The following NF1 variants were observed in gnomAD, a reference collection of about 807,000 sequenced individuals.
NF1 encodes neurofibromin.
Under a neutral mutation model 325.7 loss-of-function variants are expected in NF1, and 122 were observed. That is an observed-to-expected ratio of 0.37 (90% CI 0.32 to 0.44). NF1 has a LOEUF of 0.44. Among genes scored for constraint, NF1 ranks in the 20% least tolerant of loss-of-function variants. The pLI, the probability that NF1 is intolerant of heterozygous loss-of-function variation, is 1.00. For missense variants in NF1, 2,140 were observed against 3,415.4 expected, an observed-to-expected ratio of 0.63 and a Z score of 9.31; for synonymous variants, 1,091 against 1,186.0, an observed-to-expected ratio of 0.92 and a Z score of 1.65.
At chr17:31,285,318 T>C (rs2068205568) in intron 36 of NF1, among the ~76,000 whole-genome samples, 2 of 148,992 alleles carry the variant, frequency 1.3e-5, no homozygotes, top group African/African-American at 5.0e-5. Flanking sequence ...GAAACAACCA[T>C]GTAAGAATAA....
At chr17:31,150,012 G>T (rs1356522069) in intron 1 of NF1, among the ~76,000 whole-genome samples, 2 of 152,178 alleles carry the variant, frequency 1.3e-5, no homozygotes, top group Non-Finnish European at 2.9e-5. Flanking sequence ...GTCTCTCATT[G>T]TATGTTACTG....
intron 47 of NF1, among the ~76,000 whole-genome samples, chr17:31,341,070 G>A (rs373285639): frequency 2.0e-5 from 3 of 151,960 alleles, no homozygotes; most frequent in Non-Finnish European, 2.9e-5. Flanking sequence ...CATTTCACAC[G>A]TGAAGAAATA....
chr17:31,230,768 C>A, intron 23 of NF1, 74 bp from the exon 24 acceptor site: 2 of 1,151,084 alleles, frequency 1.7e-6, no homozygotes, highest in Non-Finnish European at 2.6e-6. Flanking sequence ...TATAAGAAAT[C>A]TTACGTGACT....
chr17:31,330,333 A>G lies in NF1; in HGVS notation c.5647A>G (p.Thr1883Ala). The G allele has an allele frequency of 6.2e-7, 1 of 1,614,040 alleles. No homozygotes were observed. The highest frequency in any genetic ancestry group is 2.2e-5 in the East Asian group (1 of 44,866). The change falls in exon 39 of 58, where the codon ACC (threonine) becomes GCC (alanine). Residue 1883 changes from threonine to alanine, a missense_variant. Thr to Ala is a moderately conservative substitution (Grantham distance 58). Transcript: ENST00000358273. ...TAATCTTCTGTGTGCCTTAACTTGT[A>G]CCTTTAATTTAAAAATCGAGGGCCA... ...AYNLLCALTCTFNLKIEGQLL... is the reference protein window; with the variant it reads ...AYNLLCALTCAFNLKIEGQLL...
intron 36 of NF1, among the ~76,000 whole-genome samples, chr17:31,311,379 G>T (rs1205130252): frequency 2.6e-5 from 4 of 152,272 alleles, no homozygotes; most frequent in Non-Finnish European, 5.9e-5. Flanking sequence ...GATTTGGAGA[G>T]CATATCCTAG....
At chr17:31,212,651 A>G (rs894437116) in intron 12 of NF1, among the ~76,000 whole-genome samples, 3 of 152,238 alleles carry the variant, frequency 2.0e-5, no homozygotes, top group African/African-American at 4.8e-5. Flanking sequence ...CAGAGGTTGC[A>G]GTTAGCCGAG....
chr17:31,182,521 G>T lies in NF1; in HGVS notation c.744G>T (p.Lys248Asn). ...TTTTTCATGCAGAATGTGCAGAAAA[G>T]CTATTTGACTTGGTGGATGGTTTTG... ...PQTDMAECAE[K>N]LFDLVDGFAE... is the part of the protein sequence containing the mutation. Residue 248 changes from lysine to asparagine, a missense_variant, in exon 8 of 58, where the codon AAG (lysine) becomes AAT (asparagine). Physicochemically the swap from Lys to Asn is moderately conservative, Grantham distance 94. Transcript: ENST00000358273. 6.2e-7 allele frequency: 1 copy of T among 1,614,034 alleles called. No homozygotes were observed. Among genetic ancestry groups the T allele is most frequent in the Non-Finnish European group, 8.5e-7 (1 of 1,179,930 alleles).
At position 31,357,277 on chromosome 17, in the gene NF1, G is replaced by A. The variant is rs1022364851; in HGVS notation, c.7878G>A (p.Leu2626=). Reference sequence around the variant, plus strand: ...TTTTTGCATCTTGGCAGGCTACACTGGTAAAATATACCACAGATGAGTTTG... The same window carrying A: ...TTTTTGCATCTTGGCAGGCTACACTAGTAAAATATACCACAGATGAGTTTG... ...QALLLTVLAT[L]VKYTTDEFDQ... The change falls in exon 54 of 58, where the codon CTG becomes CTA. Residue 2626 remains leucine, a synonymous_variant. Transcript: ENST00000358273. The A allele has an allele frequency of 2.5e-6, 4 of 1,613,800 alleles. No homozygotes were observed. The highest frequency in any genetic ancestry group is 3.4e-6 in the Non-Finnish European group (4 of 1,179,792).
intron 47 of NF1, among the ~76,000 whole-genome samples, chr17:31,341,924 T>C (rs1037911064): frequency 2.6e-5 from 4 of 152,262 alleles, no homozygotes; most frequent in African/African-American, 9.6e-5. Context: ...AGAATGTGTA[T>C]ATACAGTGAG....
intron 11 of NF1, among the ~76,000 whole-genome samples, chr17:31,203,238 T>C (rs988367407): frequency 1.3e-5 from 2 of 152,124 alleles, no homozygotes; most frequent in Admixed American, 6.6e-5. Context: ...TCTTCTACTC[T>C]AATGAGCACT....
chr17:31,376,777 T>C lies in NF1; in HGVS notation c.*2622T>C, dbSNP rs1691397882. On this transcript the variant is annotated 3_prime_UTR_variant, in exon 58 of 58. Transcript: ENST00000358273. ...GTTAAAGAGGAAACCAGGAACTCAG[T>C]CATGTTTTTGTCCTGGATAATCTAC... The C allele has an allele frequency of 4.3e-6, 1 of 233,222 alleles. No homozygotes were observed. Among genetic ancestry groups the C allele is most frequent in the South Asian group, 1.8e-4 (1 of 5,530 alleles). The allele number at this position is 233,222 out of a possible 1,614,324, so 14.4% of individuals were successfully genotyped here.
chr17:31,233,456 A>G (rs769956266), intron 27 of NF1, among the ~76,000 whole-genome samples: 1 of 152,038 alleles, frequency 6.6e-6, no homozygotes, highest in Non-Finnish European at 1.5e-5. Context: ...TCACTGATCT[A>G]CTCTGGTGTC....
chr17:31,300,755 C>G (rs1201596679), intron 36 of NF1, among the ~76,000 whole-genome samples: 1 of 152,092 alleles, frequency 6.6e-6, no homozygotes, highest in Non-Finnish European at 1.5e-5. Flanking sequence ...TACCATTTTG[C>G]AGTCCCACCA....
chr17:31,312,264 C>T (rs764555382), intron 36 of NF1, among the ~76,000 whole-genome samples: 1 of 152,062 alleles, frequency 6.6e-6, no homozygotes, highest in Non-Finnish European at 1.5e-5. Context: ...AATCCCAGCA[C>T]TTTGGGAGGC....
chr17:31,208,862 G>A (rs924126825), intron 12 of NF1, among the ~76,000 whole-genome samples: 1 of 152,156 alleles, frequency 6.6e-6, no homozygotes, highest in East Asian at 1.9e-4. Flanking sequence ...TTGCACCCCA[G>A]TGTGGACAAC....
intron 4 of NF1, among the ~76,000 whole-genome samples, chr17:31,165,561 A>G (rs1458112636): frequency 6.6e-6 from 1 of 152,224 alleles, no homozygotes; most frequent in African/African-American, 2.4e-5. Context: ...TATATAATAG[A>G]TGAATCAGTA....
chr17:31,303,896 TGAAATG>T (rs1342160224), intron 36 of NF1: 1 of 161,302 alleles, frequency 6.2e-6, no homozygotes, highest in Non-Finnish European at 1.4e-5. Flanking sequence ...CCCTGGTCTT[TGAAATG>T]GAAACATAAA....
chr17:31,180,249 C>T (rs1348857949), intron 5 of NF1, among the ~76,000 whole-genome samples: 1 of 152,156 alleles, frequency 6.6e-6, no homozygotes, highest in Non-Finnish European at 1.5e-5. Context: ...TTTATGAGGC[C>T]AGCATCATGG....
rs545576137 is a variant in NF1, at chr17:31,240,399, A to ATGG, written c.3974+4378_3974+4379insTGG. Among the ~76,000 whole-genome samples, 509 of 152,354 alleles carry ATGG rather than the reference A, an allele frequency of 3.3e-3. 4 individuals are homozygous for ATGG. Among genetic ancestry groups the ATGG allele is most frequent in the African/African-American group, 0.012 (491 of 41,578 alleles). On this transcript the variant is annotated intron_variant, in intron 29 of 57. Coordinates refer to ENST00000358273, the MANE Select transcript of NF1 (RefSeq NM_001042492.3). Reference sequence around the variant, plus strand: ...CCTTCAGTTCCATCCGTGTTGTTGCAAATGACAGGAATCTCATGTTTTGTG... The same window carrying ATGG: ...CCTTCAGTTCCATCCGTGTTGTTGCATGGAATGACAGGAATCTCATGTTTTGTG...
Sources: gnomAD v4.1 joint callset for allele counts (sites outside exome capture counted in the v4.1 genomes callset) on GRCh38, gnomAD v4.1.1 for gene constraint, MANE v1.5 for transcripts, NCBI Gene and HGNC (gene_info 2026-07-23, HGNC 2026-07-21) for gene names.